Variants in CDH11 observed in about 807,000 individuals in gnomAD.
CDH11 encodes the protein cadherin-11.
Under a neutral mutation model 67.8 loss-of-function variants are expected in CDH11, and 11 were observed. The observed-to-expected ratio is 0.16, with a 90% confidence interval of 0.10 to 0.27. The LOEUF (loss-of-function observed/expected upper bound fraction) is 0.27. Ranked by LOEUF, CDH11 falls within the 10% of genes least tolerant of loss-of-function variation. CDH11 has a pLI of 1.00. For synonymous variants in CDH11, 419 were observed against 400.0 expected (o/e 1.05, Z -0.57); for missense variants, 847 against 1,031.2 (o/e 0.82, Z 2.45).
At chr16:64,997,880 G>T (rs1478831506) in intron 4 of CDH11, among the ~76,000 whole-genome samples, 30 of 152,086 alleles carry the variant, frequency 2.0e-4, no homozygotes, top group Admixed American at 1.9e-3. Flanking sequence ...TCCCTGATTA[G>T]AACAGTTCTA....
intron 4 of CDH11, among the ~76,000 whole-genome samples, chr16:64,995,663 A>C (rs2072745422): frequency 6.6e-6 from 1 of 152,114 alleles, no homozygotes; most frequent in Non-Finnish European, 1.5e-5. Flanking sequence ...CCCAGGAAAC[A>C]CCATTCTGGA....
rs1194217812 is a variant in CDH11 at position 64,947,740 on chromosome 16, C to A, written c.2254G>T (p.Ala752Ser). Reference protein sequence around the residue: ...IYGYEGRGSVAGSLSSLESAT... With the variant: ...IYGYEGRGSVSGSLSSLESAT... ...GACTCTAGGGAGCTCAGGGACCCGG[C>A]CACTGAGCCCCTGCCTTCATAACCG... is the stretch of plus-strand genomic sequence containing the variant. The change falls in exon 13 of 13, where the codon GCC (alanine) becomes TCC (serine). Residue 752 changes from alanine to serine, a missense_variant. Transcript: ENST00000268603. 1 of 1,614,112 alleles carries A rather than the reference C, an allele frequency of 6.2e-7. No homozygotes were observed. Among genetic ancestry groups the A allele is most frequent in the South Asian group, 1.1e-5 (1 of 91,070 alleles).
At chr16:64,979,800 T>C (rs1270858396) in intron 8 of CDH11, among the ~76,000 whole-genome samples, 3 of 152,146 alleles carry the variant, frequency 2.0e-5, no homozygotes, top group Non-Finnish European at 4.4e-5. Context: ...ATAGCCAAGT[T>C]TGGAAACAAC....
intron 1 of CDH11, among the ~76,000 whole-genome samples, chr16:65,084,317 AT>A (rs74591031): frequency 0.31 from 46,493 of 151,520 alleles, 8,202 homozygotes; most frequent in Middle Eastern, 0.41. Flanking sequence ...TTAGTTGCAC[AT>A]GGGGGTACAT....
At chr16:65,054,123 C>A (rs2142719970) in intron 1 of CDH11, among the ~76,000 whole-genome samples, 195 bp from the exon 2 acceptor site, 1 of 152,270 alleles carries the variant, frequency 6.6e-6, no homozygotes, top group Non-Finnish European at 1.5e-5. Context: ...ATAAGTACCA[C>A]CGGATAGTGT....
chr16:64,982,394 C>A, intron 7 of CDH11, 93 bp from the exon 8 acceptor site: 1 of 936,976 alleles, frequency 1.1e-6, no homozygotes, highest in East Asian at 2.5e-5. Flanking sequence ...AGTGAATATT[C>A]CTCAAAGAGA....
intron 11 of CDH11, among the ~76,000 whole-genome samples, chr16:64,961,939 T>C (rs928134951): frequency 3.3e-5 from 5 of 152,150 alleles, no homozygotes; most frequent in Non-Finnish European, 2.9e-5. Flanking sequence ...TTTAATCTAA[T>C]ACCCAGTATG....
intron 1 of CDH11, among the ~76,000 whole-genome samples, chr16:65,054,473 C>G (rs1401455438): frequency 6.6e-6 from 1 of 152,146 alleles, no homozygotes; most frequent in African/African-American, 2.4e-5. Flanking sequence ...TGTTGCAGCT[C>G]TTCAAGATTG....
intron 2 of CDH11, among the ~76,000 whole-genome samples, chr16:65,028,274 T>G (rs1036736386): frequency 9.2e-5 from 14 of 152,242 alleles, no homozygotes; most frequent in African/African-American, 3.1e-4. Context: ...AGGTTTTTCT[T>G]CCTGGTGTCT....
intron 2 of CDH11, among the ~76,000 whole-genome samples, chr16:65,021,559 C>CAT (rs2142578791): frequency 1.4e-5 from 1 of 69,850 alleles, no homozygotes; most frequent in Non-Finnish European, 3.4e-5. Flanking sequence ...TTTAAATACA[C>CAT]ACACACACAC....
intron 2 of CDH11, among the ~76,000 whole-genome samples, chr16:65,051,403 T>C (rs946682406): frequency 1.3e-5 from 2 of 152,146 alleles, no homozygotes; most frequent in Non-Finnish European, 2.9e-5. Flanking sequence ...GAGGTAATGT[T>C]TTTTGCCCAT....
chr16:64,958,805 T>G (rs1218462890), intron 11 of CDH11, among the ~76,000 whole-genome samples: 1 of 152,164 alleles, frequency 6.6e-6, no homozygotes, highest in East Asian at 1.9e-4. Context: ...AGACTCAGTT[T>G]CTAGATAAAA....
At chr16:64,957,652 A>C (rs1020927122) in intron 11 of CDH11, among the ~76,000 whole-genome samples, 4 of 151,594 alleles carry the variant, frequency 2.6e-5, no homozygotes, top group Non-Finnish European at 4.4e-5. Flanking sequence ...ATATATATAT[A>C]TACATATATA....
intron 1 of CDH11, among the ~76,000 whole-genome samples, chr16:65,099,690 A>T (rs1356459596): frequency 6.6e-6 from 1 of 152,206 alleles, no homozygotes; most frequent in Non-Finnish European, 1.5e-5. Flanking sequence ...GTGCCCATGT[A>T]AATGGAAATG....
chr16:64,972,257 T>C (rs2072027835), intron 9 of CDH11, among the ~76,000 whole-genome samples, 193 bp from the exon 10 acceptor site: 3 of 152,158 alleles, frequency 2.0e-5, no homozygotes, highest in Admixed American at 2.0e-4. Context: ...TAAATGTCAA[T>C]ATTAAGACCA....
At chr16:64,974,043 T>C (rs1372604779) in intron 8 of CDH11, among the ~76,000 whole-genome samples, 1 of 152,072 alleles carries the variant, frequency 6.6e-6, no homozygotes, top group Non-Finnish European at 1.5e-5. Context: ...TTTTTACTAA[T>C]AACGGATAAA....
At chr16:64,964,065 T>A (rs959562076) in intron 11 of CDH11, among the ~76,000 whole-genome samples, 1 of 152,232 alleles carries the variant, frequency 6.6e-6, no homozygotes, top group African/African-American at 2.4e-5. Flanking sequence ...TTTATTTTTC[T>A]TATATTTTAA....
At chr16:64,980,819 A>T (rs2072313767) in intron 8 of CDH11, among the ~76,000 whole-genome samples, 1 of 152,112 alleles carries the variant, frequency 6.6e-6, no homozygotes, top group Non-Finnish European at 1.5e-5. Flanking sequence ...TAAATGAAAG[A>T]CTGAGGGTTG....
chr16:65,107,011 A>G (rs1467880452), intron 1 of CDH11, among the ~76,000 whole-genome samples: 1 of 152,018 alleles, frequency 6.6e-6, no homozygotes, highest in Non-Finnish European at 1.5e-5. Flanking sequence ...GCTGTCTACC[A>G]TGTGATCTCA....
Sources: gnomAD v4.1 joint callset for allele counts (sites outside exome capture counted in the v4.1 genomes callset) on GRCh38, gnomAD v4.1.1 for gene constraint, MANE v1.5 for transcripts, NCBI Gene and HGNC (gene_info 2026-07-23, HGNC 2026-07-21) for gene names.